BRD4: variants seen among roughly 807,000 people sequenced by gnomAD.
BRD4 encodes bromodomain containing 4, also known as bromodomain-containing protein 4.
A neutral mutation model predicts 142.1 loss-of-function variants in BRD4; 16 were observed. The observed-to-expected ratio is 0.11, with a 90% confidence interval of 0.08 to 0.17. The LOEUF (loss-of-function observed/expected upper bound fraction) is 0.17. Ranked by LOEUF, BRD4 falls within the 10% of genes least tolerant of loss-of-function variation. BRD4 has a pLI of 1.00. For missense variants in BRD4, 1,424 were observed against 1,810.9 expected, an observed-to-expected ratio of 0.79 and a Z score of 3.88; for synonymous variants, 833 against 707.5, an observed-to-expected ratio of 1.18 and a Z score of -2.82.
chr19:15,249,001 G>C (rs921473147), intron 11 of BRD4: 8 of 546,510 alleles, frequency 1.5e-5, no homozygotes, highest in African/African-American at 3.8e-5. Context: ...CCACCCAGAG[G>C]ACCCCAGAGA....
At position 15,267,521 on chromosome 19, in the gene BRD4, C is replaced by A; in HGVS notation, c.454G>T (p.Ala152Ser). 1 of 1,613,922 alleles carries A rather than the reference C, an allele frequency of 6.2e-7. No individual in the cohort carries two copies. The highest frequency in any genetic ancestry group is 2.2e-5 in the East Asian group (1 of 44,888). Residue 152 changes from alanine (A) to serine (S), a missense_variant, in exon 4 of 20, where the codon GCT (alanine) becomes TCT (serine). This residue lies in a region of BRD4 where 55 missense variants were observed against 160.7 expected (regional missense o/e 0.34). Coordinates refer to ENST00000679869, the MANE Select transcript of BRD4 (RefSeq NM_001379291.1). ...TTTTGCAAGAAGAGCTTTTCCAGAG[C>A]TTCTGCCATTAAGACTATGTCATCT... ...PGDDIVLMAE[A>S]LEKLFLQKIN...
At chr19:15,241,701 A>T (rs1033725250) in intron 14 of BRD4, among the ~76,000 whole-genome samples, 2 of 151,988 alleles carry the variant, frequency 1.3e-5, no homozygotes, top group African/African-American at 2.4e-5. Context: ...TCGCATGAGA[A>T]CAGGCACAGC....
chr19:15,244,927 GGA>G (rs2047272531), intron 11 of BRD4, 165 bp from the exon 12 acceptor site: 6 of 1,260,816 alleles, frequency 4.8e-6, no homozygotes, highest in South Asian at 1.5e-5. Flanking sequence ...CACGGGAGAG[GGA>G]GAGACATGCG....
Position 15,239,247 on chromosome 19 carries a change from GTTC to G in BRD4, c.3591_3593del (p.Lys1197del), listed in dbSNP as rs1169229189. ...GCACTAGGCTGGCCCAGGAGCCCAT[GTTC>G]TTGATTTTCAGGTCCTGCAGAACAG... is the stretch of plus-strand genomic sequence containing the variant. On this transcript the variant is annotated inframe_deletion, in exon 18 of 20. Transcript: ENST00000679869. This position sits in a 1 kb window ranked among gnomAD's most constrained non-coding sequence, Gnocchi z 7.4. The G allele has an allele frequency of 1.9e-6, 3 of 1,613,222 alleles. No homozygotes were observed. Among genetic ancestry groups the G allele is most frequent in the Non-Finnish European group, 2.5e-6 (3 of 1,179,792 alleles).
At chr19:15,327,049 T>C (rs569758343) in intron 1 of BRD4, among the ~76,000 whole-genome samples, 8 of 152,304 alleles carry the variant, frequency 5.3e-5, no homozygotes, top group African/African-American at 1.9e-4. Context: ...CATGTCAACA[T>C]GCTGATATCC....
intron 8 of BRD4, 140 bp downstream of exon 8, chr19:15,256,824 G>A (rs2047414290): frequency 2.8e-6 from 2 of 715,874 alleles, no homozygotes; most frequent in Non-Finnish European, 4.5e-6. Context: ...CCTAGCAAAG[G>A]GGAAAAGGCC....
At chr19:15,292,777 C>CAAAAAAAAAAAAAA (rs57341445) in intron 1 of BRD4, among the ~76,000 whole-genome samples, 22 of 57,254 alleles carry the variant, frequency 3.8e-4, no homozygotes, top group Non-Finnish European at 5.2e-4. Flanking sequence ...GACTCCGTCT[C>CAAAAAAAAAAAAAA]AAAAAAAAAA....
intron 1 of BRD4, among the ~76,000 whole-genome samples, chr19:15,321,050 G>A (rs1415727686): frequency 6.6e-6 from 1 of 152,052 alleles, no homozygotes. Flanking sequence ...CCTGGCCAAC[G>A]GGGTGAAACC....
At position 15,253,441 on chromosome 19, in the gene BRD4, C is replaced by T. The variant is rs200711059; in HGVS notation, c.2158+711G>A. ...GAGGCTGCTGCTCAGAAGGTGGGCT[C>T]TAATGGGGAACCCAGGGTCCAACGT... On this transcript the variant is annotated intron_variant, in intron 11 of 19. Coordinates refer to ENST00000679869, the MANE Select transcript of BRD4 (RefSeq NM_001379291.1). 15 of 1,038,576 alleles carry T rather than the reference C, an allele frequency of 1.4e-5. No homozygotes were observed. In the East Asian group the frequency reaches 3.9e-4, roughly 27 times the overall value. The allele number at this position is 1,038,576 out of a possible 1,614,324, so 64.3% of individuals were successfully genotyped here.
At chr19:15,253,638 AGCAGACTGGCGATGCGGCTGGCCAGCT>A (rs1250749250) in intron 11 of BRD4, 2 of 1,597,470 alleles carry the variant, frequency 1.3e-6, no homozygotes, top group East Asian at 2.2e-5. Context: ...CAGGGCCAGC[AGCAGACTGGCGATGCGGCTGGCCAGCT>A]GCAGTCTGCT....
At chr19:15,315,113 G>C (rs896018886) in intron 1 of BRD4, among the ~76,000 whole-genome samples, 8 of 151,862 alleles carry the variant, frequency 5.3e-5, no homozygotes, top group African/African-American at 1.9e-4. Flanking sequence ...ACTGTGCGTG[G>C]AGTTTAACCA....
chr19:15,238,971 C>T lies in BRD4; in HGVS notation c.3792G>A (p.Glu1264=), dbSNP rs761335076. ...RLRQERMRSR[E]DEDALEQARR... Reference sequence around the variant, plus strand: ...GGGCCTGCTCCAGCGCATCCTCGTCCTCTCGGCTCCTGGGCAGAGGGTCCC... The same window carrying T: ...GGGCCTGCTCCAGCGCATCCTCGTCTTCTCGGCTCCTGGGCAGAGGGTCCC... The change falls in exon 19 of 20, where the codon GAG becomes GAA. Residue 1264 remains glutamate, a synonymous_variant. Coordinates refer to ENST00000679869, the MANE Select transcript of BRD4 (RefSeq NM_001379291.1). The surrounding 1 kb of genome is among the most constrained non-coding windows in gnomAD (Gnocchi z 7.2). The T allele has an allele frequency of 6.3e-7, 1 of 1,587,074 alleles. No homozygotes were observed. The highest frequency in any genetic ancestry group is 8.6e-7 in the Non-Finnish European group (1 of 1,168,472).
At chr19:15,297,786 T>C (rs149098781) in intron 1 of BRD4, among the ~76,000 whole-genome samples, 3 of 152,188 alleles carry the variant, frequency 2.0e-5, no homozygotes, top group Non-Finnish European at 4.4e-5. Flanking sequence ...GCAGATGATG[T>C]AAGAGGCAGA....
intron 1 of BRD4, among the ~76,000 whole-genome samples, chr19:15,315,910 C>T (rs1409015840): frequency 6.6e-6 from 1 of 151,510 alleles, no homozygotes; most frequent in African/African-American, 2.4e-5. Flanking sequence ...AATCCTAGCA[C>T]TTTGGGAGGC....
At chr19:15,325,368 G>C (rs2048098462) in intron 1 of BRD4, among the ~76,000 whole-genome samples, 1 of 152,152 alleles carries the variant, frequency 6.6e-6, no homozygotes, top group Admixed American at 6.6e-5. Context: ...AGCCCTCCAA[G>C]GTCACCCTCC....
chr19:15,315,574 G>T (rs1430748933), intron 1 of BRD4, among the ~76,000 whole-genome samples: 1 of 152,200 alleles, frequency 6.6e-6, no homozygotes, highest in African/African-American at 2.4e-5. Context: ...CACTTCAAGG[G>T]CCGGGCATGG....
chr19:15,261,397 T>C (rs2047469686), intron 7 of BRD4, among the ~76,000 whole-genome samples: 1 of 151,698 alleles, frequency 6.6e-6, no homozygotes, highest in African/African-American at 2.4e-5. Context: ...GCAGGAGAAC[T>C]GCTTGAACCA....
intron 7 of BRD4, among the ~76,000 whole-genome samples, chr19:15,262,035 A>C (rs975304361): frequency 1.3e-5 from 2 of 152,244 alleles, no homozygotes; most frequent in African/African-American, 4.8e-5. Context: ...GAGTTTGAGC[A>C]CATGTCCTCT....
chr19:15,238,479 T>C lies in BRD4; in HGVS notation c.4021-34A>G, dbSNP rs2047211435. On this transcript the variant is annotated intron_variant, in intron 19 of 19. Transcript: ENST00000679869. This position sits in a 1 kb window ranked among gnomAD's most constrained non-coding sequence, Gnocchi z 7.2. ...GAAAGGAAGGAGGGAGTCAGGAGGA[T>C]GACCTAGCCACCCTGCAGCTACAAG... is the stretch of plus-strand genomic sequence containing the variant. 4.3e-6 allele frequency: 7 copies of C among 1,613,506 alleles called. No individual in the cohort carries two copies. The highest frequency in any genetic ancestry group is 5.9e-6 in the Non-Finnish European group (7 of 1,179,830).
Sources: allele counts gnomAD v4.1 joint callset (sites outside exome capture counted in the v4.1 genomes callset), GRCh38; gene constraint gnomAD v4.1.1; regional missense constraint gnomAD v4.1.1; non-coding constraint Gnocchi (gnomAD v3.1); transcripts MANE v1.5; gene names NCBI Gene and HGNC (gene_info 2026-07-23, HGNC 2026-07-21).